EVC2: variants seen among roughly 807,000 people sequenced by gnomAD.
The protein encoded by EVC2 is EvC ciliary complex subunit 2.
EVC2 carries 148 observed loss-of-function variants against 149.3 expected under a neutral mutation model. The observed-to-expected ratio is 0.99, with a 90% CI of 0.87 to 1.14. The LOEUF (loss-of-function observed/expected upper bound fraction) is 1.14, where lower values mean the gene tolerates loss of function less well. Among genes scored for constraint, EVC2 ranks in the 50% most tolerant of loss-of-function variants. The pLI is 0.00. For missense variants in EVC2, 1,854 were observed against 1,627.3 expected, an observed-to-expected ratio of 1.14 and a Z score of -2.40; for synonymous variants, 776 against 649.9, an observed-to-expected ratio of 1.19 and a Z score of -2.95.
At chr4:5,673,219 CTGT>C (rs1215331635) in intron 7 of EVC2, among the ~76,000 whole-genome samples, 1 of 152,232 alleles carries the variant, frequency 6.6e-6, no homozygotes, top group African/African-American at 2.4e-5. Flanking sequence ...ATTGCTACTA[CTGT>C]TGTTGGCTGG....
chr4:5,595,129 G>C (rs1467626392), intron 16 of EVC2, among the ~76,000 whole-genome samples: 2 of 152,204 alleles, frequency 1.3e-5, no homozygotes, highest in Admixed American at 1.3e-4. Flanking sequence ...ATGGAAACAA[G>C]TTGGAAAACA....
At chr4:5,692,894 A>AAAAAAG (rs1560231747) in intron 3 of EVC2, among the ~76,000 whole-genome samples, 9 of 144,164 alleles carry the variant, frequency 6.2e-5, no homozygotes, top group South Asian at 4.4e-4. Flanking sequence ...AAAAAAAGAA[A>AAAAAAG]AAAGAAAATT....
chr4:5,639,510 A>G (rs1168864888), intron 10 of EVC2, among the ~76,000 whole-genome samples: 1 of 152,232 alleles, frequency 6.6e-6, no homozygotes, highest in Non-Finnish European at 1.5e-5. Flanking sequence ...AGCCTTCTGC[A>G]GCCCATGGGC....
At chr4:5,632,752 C>T (rs1716641595) in intron 10 of EVC2, among the ~76,000 whole-genome samples, 1 of 152,088 alleles carries the variant, frequency 6.6e-6, no homozygotes, top group South Asian at 2.1e-4. Context: ...GGAAGCTCAC[C>T]TCTACTGAGC....
At chr4:5,586,406 G>GC (rs1008702182) in intron 16 of EVC2, among the ~76,000 whole-genome samples, 2 of 151,776 alleles carry the variant, frequency 1.3e-5, no homozygotes, top group Admixed American at 6.6e-5. Context: ...AAAATTCTAA[G>GC]CCCCCCCTCA....
intron 4 of EVC2, 127 bp from the exon 5 acceptor site, chr4:5,689,470 G>T: frequency 1.1e-6 from 1 of 951,340 alleles, no homozygotes; most frequent in Non-Finnish European, 1.6e-6. Flanking sequence ...TCTCGCAGAG[G>T]GCCTGGGAAT....
At chr4:5,557,012 A>C (rs1721852396) in intron 21 of EVC2, among the ~76,000 whole-genome samples, 1 of 152,148 alleles carries the variant, frequency 6.6e-6, no homozygotes, top group Non-Finnish European at 1.5e-5. Context: ...AGGAAGAAAT[A>C]ATACCAATTT....
chr4:5,682,496 A>T (rs1039304695), intron 6 of EVC2, among the ~76,000 whole-genome samples: 10 of 151,008 alleles, frequency 6.6e-5, no homozygotes, highest in African/African-American at 2.4e-4. Flanking sequence ...GTCTCAAAAA[A>T]AAAAAATAAT....
At chr4:5,668,351 T>C (rs143983604) in intron 7 of EVC2, among the ~76,000 whole-genome samples, 27 of 152,320 alleles carry the variant, frequency 1.8e-4, no homozygotes, top group African/African-American at 6.5e-4. Context: ...TTATAACTCA[T>C]CTTTGATAAA....
At chr4:5,634,669 C>T (rs891924228) in intron 10 of EVC2, among the ~76,000 whole-genome samples, 1 of 152,168 alleles carries the variant, frequency 6.6e-6, no homozygotes, top group African/African-American at 2.4e-5. Context: ...ATGCCCACTT[C>T]AAAAGGGAGT....
rs973106365 is a variant in EVC2 at position 5,622,445 on chromosome 4, T to C, written c.2501+92A>G. Reference sequence around the variant, plus strand: ...TCTCATCTGTCTGGGGCCAGGTGTCTCATGCTTGGCCATCCCCACAACCAC... The same window carrying C: ...TCTCATCTGTCTGGGGCCAGGTGTCCCATGCTTGGCCATCCCCACAACCAC... On this transcript the variant is annotated intron_variant, in intron 14 of 21. Transcript: ENST00000344408. This position sits in a 1 kb window ranked among gnomAD's most constrained non-coding sequence, Gnocchi z 5.8. The C allele has an allele frequency of 1.2e-5, 17 of 1,433,482 alleles. No homozygotes were observed. The highest frequency in any genetic ancestry group is 1.6e-5 in the Non-Finnish European group (17 of 1,036,758). 88.8% of individuals were successfully genotyped at this position (1,433,482 alleles called of 1,614,324 possible).
At position 5,689,174 on chromosome 4, in the gene EVC2, C is replaced by T. The variant is rs200479891; in HGVS notation, c.689G>A (p.Ser230Asn). The change falls in exon 5 of 22, where the codon AGC (serine) becomes AAC (asparagine). Residue 230 changes from serine (S) to asparagine (N), a missense_variant. Coordinates refer to ENST00000344408, the MANE Select transcript of EVC2 (RefSeq NM_147127.5). ...NRTSEGFQAFSKKFLQVGDAF... is the reference protein window; with the variant it reads ...NRTSEGFQAFNKKFLQVGDAF... Reference sequence around the variant, plus strand: ...GCTGTTACCTTGCAGAAACTTCTTGCTAAAAGCCTGGAATCCTTCCGAGGT... The same window carrying T: ...GCTGTTACCTTGCAGAAACTTCTTGTTAAAAGCCTGGAATCCTTCCGAGGT... 2.1e-5 allele frequency: 34 copies of T among 1,614,170 alleles called. No individual in the cohort carries two copies. In the African/African-American group the frequency reaches 4.4e-4, roughly 21 times the overall value.
rs2108842848 is a variant in EVC2, at chr4:5,625,566, TC to T, written c.2046+182del. On this transcript the variant is annotated intron_variant, in intron 13 of 21. Coordinates refer to ENST00000344408, the MANE Select transcript of EVC2 (RefSeq NM_147127.5). The surrounding 1 kb of genome is among the most constrained non-coding windows in gnomAD (Gnocchi z 4.0). ...CTTGGGCTGGATAAGAATTGTAGCATCCTGCTGAACACAGCATTCCAAAAAG... is the reference window on the plus strand; with the variant it reads ...CTTGGGCTGGATAAGAATTGTAGCATCTGCTGAACACAGCATTCCAAAAAG... 6.6e-6 allele frequency among the ~76,000 whole-genome samples: 1 copy of T among 152,290 alleles called. No individual in the cohort carries two copies. The highest frequency in any genetic ancestry group is 2.1e-4 in the South Asian group (1 of 4,828).
chr4:5,543,276 C>CA (rs1721551826), intron 21 of EVC2: 1 of 1,117,788 alleles, frequency 8.9e-7, no homozygotes, highest in African/African-American at 1.6e-5. Context: ...ATTGTACCAT[C>CA]ACCATCCACC....
Position 5,706,474 on chromosome 4 carries a change from A to ATACG in EVC2, c.228+1811_228+1812insCGTA, listed in dbSNP as rs1367658816. ...CATACATACATACATACATACATAC[A>ATACG]TAGATAATATTGAATGAATGGATGG... On this transcript the variant is annotated intron_variant, in intron 1 of 21. Coordinates refer to ENST00000344408, the MANE Select transcript of EVC2 (RefSeq NM_147127.5). Among the ~76,000 whole-genome samples the ATACG allele has an allele frequency of 6.9e-4, 104 of 150,266 alleles. 1 individual carries two copies. The highest frequency in any genetic ancestry group is 3.5e-3 in the Middle Eastern group (1 of 288).
At chr4:5,702,765 C>G (rs1260990808) in intron 1 of EVC2, among the ~76,000 whole-genome samples, 1 of 152,170 alleles carries the variant, frequency 6.6e-6, no homozygotes. Flanking sequence ...GAAGCACTTT[C>G]TTGTAGAGCC....
chr4:5,639,179 G>C (rs1369243359), intron 10 of EVC2, among the ~76,000 whole-genome samples: 3 of 152,136 alleles, frequency 2.0e-5, no homozygotes, highest in African/African-American at 7.2e-5. Context: ...TTTGCTCCCA[G>C]GGGCATCCAT....
intron 1 of EVC2, among the ~76,000 whole-genome samples, chr4:5,702,400 T>C (rs368574125): frequency 5.3e-5 from 8 of 152,328 alleles, no homozygotes; most frequent in South Asian, 4.1e-4. Context: ...TCCTGTTATA[T>C]TTCAAGCATT....
At chr4:5,611,267 C>T (rs1317103641) in intron 16 of EVC2, among the ~76,000 whole-genome samples, 1 of 152,144 alleles carries the variant, frequency 6.6e-6, no homozygotes, top group Non-Finnish European at 1.5e-5. Context: ...CCTTTTTGAG[C>T]TTAGAATGGA....
Sources: allele counts gnomAD v4.1 joint callset (sites outside exome capture counted in the v4.1 genomes callset), GRCh38; gene constraint gnomAD v4.1.1; non-coding constraint Gnocchi (gnomAD v3.1); transcripts MANE v1.5; gene names NCBI Gene and HGNC (gene_info 2026-07-23, HGNC 2026-07-21).